The following HSD17B4 variants were observed in gnomAD, a reference collection of about 807,000 sequenced individuals.
The protein encoded by HSD17B4 is hydroxysteroid 17-beta dehydrogenase 4.
Under a neutral mutation model 101.0 loss-of-function variants are expected in HSD17B4, and 70 were observed. The observed-to-expected ratio is 0.69, with a 90% CI of 0.57 to 0.85. The LOEUF (loss-of-function observed/expected upper bound fraction) is 0.85. HSD17B4 is among the 40% of genes least tolerant of loss of function. HSD17B4 has a pLI of 0.00. For missense variants in HSD17B4, 984 were observed against 892.4 expected (o/e 1.10, Z -1.31); for synonymous variants, 347 against 297.1 (o/e 1.17, Z -1.73).
chr5:119,494,032 T>A, intron 11 of HSD17B4, 86 bp downstream of exon 11: 1 of 1,359,268 alleles, frequency 7.4e-7, no homozygotes, highest in Non-Finnish European at 1.0e-6. Flanking sequence ...TCTTCTATGT[T>A]AACTGTAGTG....
chr5:119,473,418 A>G (rs528687160), intron 2 of HSD17B4, among the ~76,000 whole-genome samples: 1 of 149,064 alleles, frequency 6.7e-6, no homozygotes, highest in East Asian at 2.0e-4. Context: ...TCCCAGGTTC[A>G]AGCAATCCTC....
At chr5:119,517,389 C>A (rs1441984238) in intron 17 of HSD17B4, among the ~76,000 whole-genome samples, 2 of 152,222 alleles carry the variant, frequency 1.3e-5, no homozygotes, top group African/African-American at 4.8e-5. Context: ...AGCCTCCCAC[C>A]CCCTCCATGG....
At chr5:119,484,813 A>G (rs1188309577) in intron 8 of HSD17B4, among the ~76,000 whole-genome samples, 1 of 151,968 alleles carries the variant, frequency 6.6e-6, no homozygotes, top group Non-Finnish European at 1.5e-5. Context: ...TAGAATACCT[A>G]TTTGGACCTG....
chr5:119,527,211 C>T lies in HSD17B4; in HGVS notation c.1759C>T (p.Gln587Ter), dbSNP rs138507337. The T allele has an allele frequency of 1.9e-6, 3 of 1,593,770 alleles. No homozygotes were observed. The highest frequency in any genetic ancestry group is 2.6e-6 in the Non-Finnish European group (3 of 1,162,208). Residue 587 changes from glutamine to a stop codon, truncating the protein, a stop_gained, in exon 20 of 24, where the codon CAA becomes TAA. Transcript: ENST00000510025. LOFTEE classifies it high-confidence loss of function. Reference sequence around the variant, plus strand: ...GAAGGAAGGAAACAGAATTCATTTTCAAACCAAGGTATGAATTTTGCTTTT... The same window carrying T: ...GAAGGAAGGAAACAGAATTCATTTTTAAACCAAGGTATGAATTTTGCTTTT... Reference protein sequence around the residue: ...MWKEGNRIHFQTKVQETGDIV... With the variant: ...MWKEGNRIHF
chr5:119,532,000 A>G (rs1426232855), intron 22 of HSD17B4, among the ~76,000 whole-genome samples: 1 of 152,182 alleles, frequency 6.6e-6, no homozygotes, highest in African/African-American at 2.4e-5. Flanking sequence ...ACTGATGTGG[A>G]GGTCCAAAGA....
rs192783903 is a variant in HSD17B4 at position 119,453,220 on chromosome 5, C to G, written c.58+587C>G. On this transcript the variant is annotated intron_variant, in intron 1 of 23. Coordinates refer to ENST00000510025, the MANE Select transcript of HSD17B4 (RefSeq NM_000414.4). ...AGTCACAATCTGTTCTCGAAATCCA[C>G]TGGAGTCTTGGCAGAGGTTGTAAGC... is the stretch of plus-strand genomic sequence containing the variant. 2.0e-3 allele frequency among the ~76,000 whole-genome samples: 300 copies of G among 152,288 alleles called. 2 individuals are homozygous for G. The highest frequency in any genetic ancestry group is 6.8e-3 in the African/African-American group (282 of 41,552).
Position 119,536,816 on chromosome 5 carries a change from T to A in HSD17B4, c.2121+266T>A, listed in dbSNP as rs74872780. ...TTCAAAGGTGAAAAACCATATGACA[T>A]TAGTAGGTACTACATAAAATTAGAC... On this transcript the variant is annotated intron_variant, in intron 23 of 23. Transcript: ENST00000510025. 0.017 allele frequency among the ~76,000 whole-genome samples: 2,658 copies of A among 152,216 alleles called. 77 individuals carry two copies. Among genetic ancestry groups the A allele is most frequent in the African/African-American group, 0.06 (2,503 of 41,548 alleles).
intron 2 of HSD17B4, among the ~76,000 whole-genome samples, chr5:119,462,043 T>A (rs1018425670): frequency 6.6e-6 from 1 of 151,618 alleles, no homozygotes; most frequent in Non-Finnish European, 1.5e-5. Context: ...AGATTTATGT[T>A]AAAAAAAACC....
At chr5:119,489,886 A>G (rs1223828774) in intron 9 of HSD17B4, among the ~76,000 whole-genome samples, 1 of 152,144 alleles carries the variant, frequency 6.6e-6, no homozygotes, top group Non-Finnish European at 1.5e-5. Context: ...TTATCCACAC[A>G]TAATCCCATC....
chr5:119,452,999 T>C (rs1404430169), intron 1 of HSD17B4, among the ~76,000 whole-genome samples: 1 of 152,204 alleles, frequency 6.6e-6, no homozygotes, highest in Admixed American at 6.5e-5. Flanking sequence ...GCCTAGTCTT[T>C]TAAAGGACTG....
At chr5:119,534,614 A>T (rs901420768) in intron 22 of HSD17B4, among the ~76,000 whole-genome samples, 5 of 152,056 alleles carry the variant, frequency 3.3e-5, no homozygotes, top group African/African-American at 1.2e-4. Flanking sequence ...GCCGCTTAGG[A>T]TTCTCAACTT....
At chr5:119,505,288 A>G (rs960907449) in intron 14 of HSD17B4, among the ~76,000 whole-genome samples, 2 of 151,868 alleles carry the variant, frequency 1.3e-5, no homozygotes, top group Non-Finnish European at 2.9e-5. Context: ...AAAAAATGAC[A>G]TTGGTGGTTT....
At position 119,460,356 on chromosome 5, in the gene HSD17B4, G is replaced by A. The variant is rs530698314; in HGVS notation, c.112+3988G>A. On this transcript the variant is annotated intron_variant, in intron 2 of 23. Coordinates refer to ENST00000510025, the MANE Select transcript of HSD17B4 (RefSeq NM_000414.4). ...GAATAAGTGAAACTGATATAATACA[G>A]GGAGAAAGATCATAAGAAGGCACAT... Among the ~76,000 whole-genome samples, 3 of 152,278 alleles carry A rather than the reference G, an allele frequency of 2.0e-5. No individual in the cohort carries two copies. The East Asian group carries it at 5.8e-4, about 29-fold the overall frequency.
At chr5:119,473,320 T>C (rs764234331) in intron 2 of HSD17B4, among the ~76,000 whole-genome samples, 17 of 145,390 alleles carry the variant, frequency 1.2e-4, no homozygotes, top group Non-Finnish European at 2.6e-4. Flanking sequence ...GCTCCTTTTT[T>C]TTTTTTTTTT....
chr5:119,466,862 T>C (rs1288087104), intron 2 of HSD17B4, among the ~76,000 whole-genome samples: 1 of 152,140 alleles, frequency 6.6e-6, no homozygotes, highest in African/African-American at 2.4e-5. Flanking sequence ...TTTAGATGCA[T>C]TTTTAGATTG....
At chr5:119,536,626 C>A in intron 23 of HSD17B4, 76 bp downstream of exon 23, 2 of 1,377,670 alleles carry the variant, frequency 1.5e-6, no homozygotes, top group Non-Finnish European at 2.1e-6. Context: ...TAAGCTGATG[C>A]CCAAATTCTG....
At chr5:119,499,720 G>A (rs1402188805) in intron 13 of HSD17B4, 167 bp downstream of exon 13, 2 of 417,434 alleles carry the variant, frequency 4.8e-6, no homozygotes, top group African/African-American at 4.2e-5. Context: ...AAGAATAAAA[G>A]AGGGGAGAGT....
At chr5:119,519,549 G>A (rs1403220521) in intron 17 of HSD17B4, among the ~76,000 whole-genome samples, 1 of 152,188 alleles carries the variant, frequency 6.6e-6, no homozygotes, top group African/African-American at 2.4e-5. Context: ...GACCATCTGA[G>A]TCACTTGCAT....
At chr5:119,485,633 A>G (rs957216991) in intron 8 of HSD17B4, among the ~76,000 whole-genome samples, 2 of 152,084 alleles carry the variant, frequency 1.3e-5, no homozygotes, top group Non-Finnish European at 2.9e-5. Flanking sequence ...CTTATGGGCA[A>G]TTAAAGGAAT....
Sources: allele counts gnomAD v4.1 joint callset (sites outside exome capture counted in the v4.1 genomes callset), GRCh38; gene constraint gnomAD v4.1.1; transcripts MANE v1.5; gene names NCBI Gene and HGNC (gene_info 2026-07-23, HGNC 2026-07-21).